The following LARP4 variants were observed in gnomAD, a reference collection of about 807,000 sequenced individuals.
LARP4 encodes the protein la-related protein 4.
A neutral mutation model predicts 92.9 loss-of-function variants in LARP4; 29 were observed. The ratio of observed to expected loss-of-function variants is 0.31; its 90% CI spans 0.23 to 0.43. LARP4 has a LOEUF of 0.43. Among genes scored for constraint, LARP4 ranks in the 20% least tolerant of loss-of-function variants. The pLI, the probability that LARP4 is intolerant of heterozygous loss-of-function variation, is 1.00. For missense variants in LARP4, 732 were observed against 860.0 expected, an observed-to-expected ratio of 0.85 and a Z score of 1.86; for synonymous variants, 279 against 284.1, an observed-to-expected ratio of 0.98 and a Z score of 0.18.
intron 13 of LARP4, among the ~76,000 whole-genome samples, chr12:50,470,409 C>T (rs1956789651): frequency 6.6e-6 from 1 of 151,834 alleles, no homozygotes; most frequent in Admixed American, 6.6e-5. Context: ...TACACAAACA[C>T]ACATATATAC....
In LARP4 at chr12:50,440,966, C is replaced by T. The variant is rs570357723; in HGVS notation, c.750+417C>T. Among the ~76,000 whole-genome samples the T allele has an allele frequency of 4.1e-4, 62 of 151,666 alleles. No individual in the cohort carries two copies. In the East Asian group the frequency reaches 0.012, roughly 28 times the overall value. On this transcript the variant is annotated intron_variant, in intron 7 of 15. Transcript: ENST00000398473. ...TGGCGCAATCTCGGCTCACTGCAAC[C>T]TCCACCTCCTGGGTTCAAGTGATTC...
Position 50,400,911 on chromosome 12 carries a change from G to T in LARP4, c.-100G>T. 1.3e-6 allele frequency: 2 copies of T among 1,543,730 alleles called. No homozygotes were observed. The highest frequency in any genetic ancestry group is 1.8e-6 in the Non-Finnish European group (2 of 1,115,916). On this transcript the variant is annotated 5_prime_UTR_variant, in exon 1 of 16. Coordinates refer to ENST00000398473, the MANE Select transcript of LARP4 (RefSeq NM_052879.5). ...GCCGGGTCCACTGCCGGGTGGAGGG[G>T]CAAGGCGAGTGTGTGTCCTTATCCT...
intron 4 of LARP4, among the ~76,000 whole-genome samples, chr12:50,435,200 A>T (rs186393450): frequency 2.5e-4 from 38 of 152,370 alleles, no homozygotes; most frequent in Non-Finnish European, 4.6e-4. Context: ...TACTTGTAAT[A>T]TTAAACCTCT....
intron 1 of LARP4, among the ~76,000 whole-genome samples, chr12:50,413,553 T>C (rs1946272328): frequency 6.6e-6 from 1 of 152,200 alleles, no homozygotes; most frequent in African/African-American, 2.4e-5. Context: ...TTTCATTATG[T>C]GAACATCAGA....
At position 50,402,802 on chromosome 12, in the gene LARP4, C is replaced by A. The variant is rs145060180; in HGVS notation, c.18+1774C>A. On this transcript the variant is annotated intron_variant, in intron 1 of 15. Coordinates refer to ENST00000398473, the MANE Select transcript of LARP4 (RefSeq NM_052879.5). ...CGGGATGTTAGCAATTCAGGCCTGT[C>A]CGACTCCCCAGGTTAGACAAATTCT... The A allele has an allele frequency of 2.3e-4, 104 of 455,406 alleles. No homozygotes were observed. The East Asian group carries it at 7.1e-3, about 31-fold the overall frequency. The allele number at this position is 455,406 out of a possible 1,614,324, so 28.2% of individuals were successfully genotyped here.
In LARP4 at chr12:50,475,690, G is replaced by A; in HGVS notation, c.2001G>A (p.Lys667=). 12 of 1,614,094 alleles carry A rather than the reference G, an allele frequency of 7.4e-6. No homozygotes were observed. Among genetic ancestry groups the A allele is most frequent in the Non-Finnish European group, 9.3e-6 (11 of 1,180,030 alleles). The change falls in exon 16 of 16, where the codon AAG becomes AAA. Residue 667 remains lysine (K), a synonymous_variant. Coordinates refer to ENST00000398473, the MANE Select transcript of LARP4 (RefSeq NM_052879.5). ...PENSVEKPHE[K]PEARASKDYS... ...ACTCCGTTGAGAAACCACATGAGAA[G>A]CCAGAAGCAAGGGCTAGTAAGGATT...
chr12:50,460,308 T>C (rs1453420487), intron 10 of LARP4, among the ~76,000 whole-genome samples: 3 of 152,166 alleles, frequency 2.0e-5, no homozygotes, highest in African/African-American at 7.2e-5. Context: ...CCCCCGTCTC[T>C]CCAAACACAA....
chr12:50,423,588 A>G (rs1948219740), intron 1 of LARP4, among the ~76,000 whole-genome samples: 1 of 151,940 alleles, frequency 6.6e-6, no homozygotes, highest in Non-Finnish European at 1.5e-5. Context: ...AGCTGAGATT[A>G]CAGGTGCAGG....
At chr12:50,420,582 TTAAGAATGGCAGC>T (rs1265271189) in intron 1 of LARP4, among the ~76,000 whole-genome samples, 1 of 152,178 alleles carries the variant, frequency 6.6e-6, no homozygotes, top group African/African-American at 2.4e-5. Context: ...TAAAGAGAGA[TTAAGAATGGCAGC>T]TAACCTGATG....
chr12:50,462,425 C>T (rs1000305283), intron 11 of LARP4, among the ~76,000 whole-genome samples, 157 bp from the exon 12 acceptor site: 2 of 151,398 alleles, frequency 1.3e-5, no homozygotes, highest in African/African-American at 4.9e-5. Context: ...TCGTAGTGAG[C>T]CGAGATCGCG....
rs1018140353 is a variant in LARP4, at chr12:50,477,180, A to G, written c.*1316A>G. ...TGAGATTTTTTAGTAAAGATGAGAA[A>G]GATGGTTGAAGAAAATTAGTGCATA... On this transcript the variant is annotated 3_prime_UTR_variant, in exon 16 of 16. Transcript: ENST00000398473. 2 of 152,494 alleles carry G rather than the reference A, an allele frequency of 1.3e-5. No homozygotes were observed. The highest frequency in any genetic ancestry group is 1.3e-4 in the Admixed American group (2 of 15,264). 9.4% of individuals were successfully genotyped at this position (152,494 alleles called of 1,614,324 possible).
chr12:50,459,397 T>G (rs1383063259), intron 10 of LARP4, among the ~76,000 whole-genome samples: 1 of 152,178 alleles, frequency 6.6e-6, no homozygotes, highest in Non-Finnish European at 1.5e-5. Context: ...TTTCTGCCTG[T>G]GAAAATTTAC....
intron 13 of LARP4, among the ~76,000 whole-genome samples, chr12:50,472,687 T>C (rs1957061140): frequency 6.6e-6 from 1 of 152,118 alleles, no homozygotes; most frequent in African/African-American, 2.4e-5. Flanking sequence ...TATTTTACTT[T>C]ATTTTGTAGA....
intron 8 of LARP4, among the ~76,000 whole-genome samples, chr12:50,449,814 A>T (rs2138097361): frequency 6.8e-6 from 1 of 146,600 alleles, no homozygotes; most frequent in South Asian, 2.1e-4. Flanking sequence ...GCCAATTTTT[A>T]TCTGTTTTCG....
chr12:50,450,632 G>C (rs1481172351), intron 8 of LARP4, among the ~76,000 whole-genome samples: 1 of 152,088 alleles, frequency 6.6e-6, no homozygotes, highest in African/African-American at 2.4e-5. Flanking sequence ...CCGAGTAGCT[G>C]GGATTACAGG....
intron 1 of LARP4, among the ~76,000 whole-genome samples, chr12:50,403,433 G>A (rs1944240795): frequency 6.6e-6 from 1 of 152,100 alleles, no homozygotes; most frequent in Non-Finnish European, 1.5e-5. Flanking sequence ...AAATATTTAT[G>A]CTCATTACTT....
chr12:50,406,646 C>G (rs1410231394), intron 1 of LARP4, among the ~76,000 whole-genome samples: 1 of 152,056 alleles, frequency 6.6e-6, no homozygotes, highest in Non-Finnish European at 1.5e-5. Flanking sequence ...GTAGCTGGGA[C>G]TACAGGCTCA....
At chr12:50,427,738 C>T (rs1168040156) in intron 1 of LARP4, 24 bp from the exon 2 acceptor site, 1 of 1,436,552 alleles carries the variant, frequency 7.0e-7, no homozygotes, top group East Asian at 2.4e-5. Context: ...TAAAAATTTA[C>T]AAATAGATCC....
intron 5 of LARP4, 58 bp downstream of exon 5, chr12:50,435,682 G>A: frequency 3.9e-6 from 5 of 1,284,698 alleles, no homozygotes; most frequent in South Asian, 2.8e-5. Context: ...ATGTTATTTC[G>A]ACTTCTGATC....
Sources: allele counts gnomAD v4.1 joint callset (sites outside exome capture counted in the v4.1 genomes callset), GRCh38; gene constraint gnomAD v4.1.1; transcripts MANE v1.5; gene names NCBI Gene and HGNC (gene_info 2026-07-23, HGNC 2026-07-21).